Variants in CSMD1 observed in about 807,000 individuals in gnomAD.
The protein encoded by CSMD1 is CUB and Sushi multiple domains 1, also known as CUB and sushi domain-containing protein 1.
A neutral mutation model predicts 417.5 loss-of-function variants in CSMD1; 213 were observed. The ratio of observed to expected loss-of-function variants is 0.51; its 90% CI spans 0.46 to 0.57. The LOEUF (loss-of-function observed/expected upper bound fraction) is 0.57. Among genes scored for constraint, CSMD1 ranks in the 20% least tolerant of loss-of-function variants. The pLI is 0.00. For missense variants in CSMD1, 6,923 were observed against 4,529.7 expected (o/e 1.53, Z -15.17); for synonymous variants, 2,862 against 1,736.8 (o/e 1.65, Z -16.11).
chr8:4,893,284 A>G (rs1804248957), intron 1 of CSMD1, among the ~76,000 whole-genome samples: 1 of 152,064 alleles, frequency 6.6e-6, no homozygotes, highest in Admixed American at 6.6e-5. Flanking sequence ...GTTTTTCTTG[A>G]ACTAGAAGCT....
chr8:3,133,136 G>A (rs1407218051), intron 41 of CSMD1, among the ~76,000 whole-genome samples: 1 of 152,202 alleles, frequency 6.6e-6, no homozygotes, highest in African/African-American at 2.4e-5. Flanking sequence ...GCGTGGGCCG[G>A]CACACAGCTT....
At chr8:4,389,471 C>CT (rs571276182) in intron 3 of CSMD1, among the ~76,000 whole-genome samples, 31 of 151,746 alleles carry the variant, frequency 2.0e-4, no homozygotes, top group African/African-American at 6.8e-4. Context: ...TTGGTTAGTG[C>CT]TTTTTTTTCT....
intron 2 of CSMD1, among the ~76,000 whole-genome samples, chr8:4,568,988 G>C (rs1234704069): frequency 1.3e-5 from 2 of 151,992 alleles, no homozygotes; most frequent in Non-Finnish European, 2.9e-5. Context: ...ATTTGTTTAA[G>C]TTCCTTATAA....
At chr8:4,589,014 A>G (rs1392325722) in intron 2 of CSMD1, among the ~76,000 whole-genome samples, 2 of 152,168 alleles carry the variant, frequency 1.3e-5, no homozygotes, top group African/African-American at 4.8e-5. Flanking sequence ...TTATGTATAC[A>G]TTATACAACG....
At chr8:3,527,409 T>C (rs1034835872) in intron 10 of CSMD1, among the ~76,000 whole-genome samples, 4 of 152,226 alleles carry the variant, frequency 2.6e-5, no homozygotes, top group Middle Eastern at 3.4e-3. Flanking sequence ...GACAAAATTA[T>C]AGGGATGGGA....
intron 7 of CSMD1, among the ~76,000 whole-genome samples, chr8:3,655,465 G>A (rs935047085): frequency 6.6e-6 from 1 of 152,016 alleles, no homozygotes; most frequent in African/African-American, 2.4e-5. Flanking sequence ...TAATTATAAT[G>A]ACAAACAATA....
intron 6 of CSMD1, among the ~76,000 whole-genome samples, chr8:3,723,694 A>C (rs66896036): frequency 1.3e-5 from 2 of 151,996 alleles, no homozygotes; most frequent in African/African-American, 4.8e-5. Flanking sequence ...GAGCAGGGTG[A>C]TATTAACACG....
At chr8:4,039,470 C>G (rs1407217323) in intron 3 of CSMD1, among the ~76,000 whole-genome samples, 1 of 152,138 alleles carries the variant, frequency 6.6e-6, no homozygotes, top group Non-Finnish European at 1.5e-5. Flanking sequence ...CATTTCTTCT[C>G]TTTACTGGCT....
intron 4 of CSMD1, among the ~76,000 whole-genome samples, chr8:4,031,534 TG>T (rs1322741286): frequency 6.6e-6 from 1 of 152,188 alleles, no homozygotes; most frequent in Non-Finnish European, 1.5e-5. Context: ...GTGGGAATTG[TG>T]GGAACTACCG....
intron 1 of CSMD1, among the ~76,000 whole-genome samples, chr8:4,962,780 G>A (rs972009824): frequency 3.3e-5 from 5 of 152,178 alleles, no homozygotes; most frequent in Non-Finnish European, 7.4e-5. Context: ...AGAGAGAGGG[G>A]ACAAAAAATT....
intron 3 of CSMD1, among the ~76,000 whole-genome samples, chr8:4,106,912 C>G (rs918221566): frequency 1.3e-5 from 2 of 152,124 alleles, no homozygotes; most frequent in East Asian, 3.9e-4. Flanking sequence ...AATCAATAGG[C>G]TTATTTATAA....
chr8:4,135,585 T>C (rs1363260046), intron 3 of CSMD1, among the ~76,000 whole-genome samples: 1 of 152,178 alleles, frequency 6.6e-6, no homozygotes, highest in Non-Finnish European at 1.5e-5. Flanking sequence ...GTTTTGATTC[T>C]TAAAATATCA....
chr8:4,503,410 TAA>T (rs1243788913), intron 2 of CSMD1, among the ~76,000 whole-genome samples: 2 of 152,156 alleles, frequency 1.3e-5, no homozygotes, highest in Non-Finnish European at 2.9e-5. Flanking sequence ...GCTAATAAAA[TAA>T]GTCGAGAAAA....
chr8:4,436,565 T>G (rs1206969249), intron 2 of CSMD1, among the ~76,000 whole-genome samples: 3 of 152,158 alleles, frequency 2.0e-5, no homozygotes, highest in Admixed American at 2.0e-4. Flanking sequence ...TATTTTAAAA[T>G]TGACAGTTAC....
chr8:4,112,894 C>A lies in CSMD1; in HGVS notation c.416-80795G>T, dbSNP rs541602162. Among the ~76,000 whole-genome samples the A allele has an allele frequency of 2.0e-4, 30 of 152,288 alleles. 1 individual carries two copies. The highest frequency in any genetic ancestry group is 5.8e-4 in the African/African-American group (24 of 41,558). ...AGGCTTGTACCAACGTGGCATCAAG[C>A]AAGTCTATTGGAGCCATTTCTCCAA... On this transcript the variant is annotated intron_variant, in intron 3 of 69. Transcript: ENST00000635120.
chr8:3,673,632 G>C (rs1472443116), intron 7 of CSMD1, among the ~76,000 whole-genome samples: 1 of 152,188 alleles, frequency 6.6e-6, no homozygotes, highest in Non-Finnish European at 1.5e-5. Flanking sequence ...GACCTAACGG[G>C]TGCGGGCAAC....
chr8:3,316,461 T>G (rs990167974), intron 23 of CSMD1, among the ~76,000 whole-genome samples: 1 of 152,098 alleles, frequency 6.6e-6, no homozygotes, highest in Non-Finnish European at 1.5e-5. Context: ...ATGAATGCTA[T>G]GGTTTGCGTG....
At chr8:3,736,439 C>A (rs1013726832) in intron 6 of CSMD1, among the ~76,000 whole-genome samples, 1 of 152,084 alleles carries the variant, frequency 6.6e-6, no homozygotes, top group South Asian at 2.1e-4. Context: ...GCAATGTGGT[C>A]TCACTACGTG....
chr8:4,174,023 A>T (rs1429902944), intron 3 of CSMD1, among the ~76,000 whole-genome samples: 2 of 152,168 alleles, frequency 1.3e-5, no homozygotes, highest in East Asian at 3.9e-4. Context: ...ACCATGGCCA[A>T]GGGAATGCCC....
Sources: gnomAD v4.1 joint callset for allele counts (sites outside exome capture counted in the v4.1 genomes callset) on GRCh38, gnomAD v4.1.1 for gene constraint, MANE v1.5 for transcripts, NCBI Gene and HGNC (gene_info 2026-07-23, HGNC 2026-07-21) for gene names.